The following PLA2G4B variants were observed in gnomAD, a reference collection of about 807,000 sequenced individuals.
The protein encoded by PLA2G4B is cytosolic phospholipase A2 beta.
PLA2G4B carries 122 observed loss-of-function variants against 95.8 expected under a neutral mutation model. The ratio of observed to expected loss-of-function variants is 1.27; its 90% CI spans 1.10 to 1.48. The LOEUF (loss-of-function observed/expected upper bound fraction) is 1.48. PLA2G4B is among the 40% of genes most tolerant of loss of function. PLA2G4B has a pLI of 0.00. For missense variants in PLA2G4B, 1,158 were observed against 996.2 expected (o/e 1.16, Z -2.19); for synonymous variants, 518 against 421.5 (o/e 1.23, Z -2.80).
intron 1 of PLA2G4B, chr15:41,839,796 A>T (rs569017807): frequency 4.0e-4 from 98 of 245,480 alleles, no homozygotes; most frequent in African/African-American, 2.1e-3. Context: ...ATCTGGAGCC[A>T]GCCTGCCCGG....
chr15:41,842,782 G>C, intron 10 of PLA2G4B, 191 bp downstream of exon 10: 1 of 860,592 alleles, frequency 1.2e-6, no homozygotes, highest in Non-Finnish European at 1.7e-6. Flanking sequence ...AGCACCTATG[G>C]TCAGAGGGGC....
intron 2 of PLA2G4B, 84 bp from the exon 3 acceptor site, chr15:41,840,440 G>A: frequency 6.2e-7 from 1 of 1,606,874 alleles, no homozygotes; most frequent in African/African-American, 1.3e-5. Flanking sequence ...TAACCCACAT[G>A]GGGCTCTAGG....
At chr15:41,842,457 G>A in intron 9 of PLA2G4B, 97 bp from the exon 10 acceptor site, 1 of 1,537,934 alleles carries the variant, frequency 6.5e-7, no homozygotes, top group South Asian at 1.2e-5. Context: ...TGGAGACGGT[G>A]GCGGGGCGGG....
Position 41,845,263 on chromosome 15 carries a change from C to T in PLA2G4B, c.1300C>T (p.Pro434Ser). Reference sequence around the variant, plus strand: ...CCTGAGTCATGGCCAGAACCCTCTGCCCATCTACTGTGCCCTCAACACCAA... The same window carrying T: ...CCTGAGTCATGGCCAGAACCCTCTGTCCATCTACTGTGCCCTCAACACCAA... ...EALSHGQNPLPIYCALNTKGQ... is the reference protein window; with the variant it reads ...EALSHGQNPLSIYCALNTKGQ... The change falls in exon 14 of 20, where the codon CCC (proline) becomes TCC (serine). Residue 434 changes from proline (P) to serine (S), a missense_variant. Pro to Ser is a moderately conservative substitution (Grantham distance 74, BLOSUM62 -1). Coordinates refer to ENST00000458483, the MANE Select transcript of PLA2G4B (RefSeq NM_001114633.2). The T allele has an allele frequency of 1.2e-6, 2 of 1,614,202 alleles. No individual in the cohort carries two copies. Among genetic ancestry groups the T allele is most frequent in the South Asian group, 1.1e-5 (1 of 91,080 alleles).
rs572589926 is a variant in PLA2G4B at position 41,844,429 on chromosome 15, C to T, written c.880-42C>T. 4 of 1,612,788 alleles carry T rather than the reference C, an allele frequency of 2.5e-6. No homozygotes were observed. The African/African-American group carries it at 4.0e-5, about 16-fold the overall frequency. On this transcript the variant is annotated intron_variant, in intron 11 of 19. Transcript: ENST00000458483. ...CTTCTTCCTGTGACTTGGCCTTCCC[C>T]ATCCCTAGGGCCTCTACAGGCCTGG...
Position 41,842,598 on chromosome 15 carries a change from G to A in PLA2G4B, c.743+7G>A, listed in dbSNP as rs538871106. 1.2e-6 allele frequency: 2 copies of A among 1,608,800 alleles called. No individual in the cohort carries two copies. Among genetic ancestry groups the A allele is most frequent in the Non-Finnish European group, 1.7e-6 (2 of 1,178,702 alleles). ...AGCTGAAAAAAGAAGCAGGGTGAGA[G>A]GCCTGGCTGGGGACTGGGCAAGGCC... On this transcript the variant is annotated splice_region_variant and intron_variant, in intron 10 of 19. Coordinates refer to ENST00000458483, the MANE Select transcript of PLA2G4B (RefSeq NM_001114633.2).
Position 41,847,811 on chromosome 15 carries a change from A to AGGCTCTGCGCC in PLA2G4B, c.2298_2308dup (p.Gln770ArgfsTer25). On this transcript the variant is annotated frameshift_variant, in exon 20 of 20. Coordinates refer to ENST00000458483, the MANE Select transcript of PLA2G4B (RefSeq NM_001114633.2). LOFTEE classifies it low-confidence loss of function (END_TRUNC). Reference sequence around the variant, plus strand: ...TGCAACAACCAGGAGCAGCTGCTGGAGGCTCTGCGCCAGGCAGTGCAGCGG... The same window carrying AGGCTCTGCGCC: ...TGCAACAACCAGGAGCAGCTGCTGGAGGCTCTGCGCCGGCTCTGCGCCAGGCAGTGCAGCGG... 1 of 1,608,464 alleles carries AGGCTCTGCGCC rather than the reference A, an allele frequency of 6.2e-7. No homozygotes were observed.
At chr15:41,844,348 C>G in intron 11 of PLA2G4B, 123 bp from the exon 12 acceptor site, 3 of 1,501,984 alleles carry the variant, frequency 2.0e-6, no homozygotes, top group Non-Finnish European at 1.8e-6. Context: ...GAACTGGTCC[C>G]AAGACCTGTG....
chr15:41,845,523 A>G (rs1044088087), intron 14 of PLA2G4B, 115 bp from the exon 15 acceptor site: 2 of 1,515,382 alleles, frequency 1.3e-6, no homozygotes, highest in African/African-American at 1.4e-5. Flanking sequence ...AGCCCAGGCC[A>G]CAAGGCCTGG....
At position 41,847,994 on chromosome 15, in the gene PLA2G4B, G is replaced by A; in HGVS notation, c.*134G>A. ...GTCCCAGGGTCCAGGCTGAGGGCTG[G>A]GAGCTCCCTTGCGCCTCAGCAGTTT... On this transcript the variant is annotated 3_prime_UTR_variant, in exon 20 of 20. Transcript: ENST00000458483. The A allele has an allele frequency of 7.9e-7, 1 of 1,265,020 alleles. No individual in the cohort carries two copies. The highest frequency in any genetic ancestry group is 1.5e-5 in the African/African-American group (1 of 66,932). The allele number at this position is 1,265,020 out of a possible 1,614,324, so 78.4% of individuals were successfully genotyped here.
At chr15:41,840,474 C>A in intron 2 of PLA2G4B, 50 bp from the exon 3 acceptor site, 2 of 1,611,384 alleles carry the variant, frequency 1.2e-6, no homozygotes, top group Non-Finnish European at 1.7e-6. Context: ...TGGGTCTGGG[C>A]GGCTGGGAAG....
chr15:41,845,907 G>C, intron 15 of PLA2G4B, 36 bp from the exon 16 acceptor site: 1 of 1,515,508 alleles, frequency 6.6e-7, no homozygotes, highest in South Asian at 1.3e-5. Flanking sequence ...TGGGACAAGA[G>C]TCGGGGGCCC....
rs1316271401 is a variant in PLA2G4B, at chr15:41,846,061, G to A, written c.1600+14G>A. ...AGGCCAACCTGGGTAAGTGCTCCGG[G>A]CCCTTCATAAGGGTGCCAAGGGGCA... On this transcript the variant is annotated intron_variant, in intron 16 of 19. Transcript: ENST00000458483. 6.4e-7 allele frequency: 1 copy of A among 1,569,754 alleles called. No homozygotes were observed. The highest frequency in any genetic ancestry group is 2.3e-5 in the East Asian group (1 of 44,420).
chr15:41,844,455 C>G lies in PLA2G4B; in HGVS notation c.880-16C>G. ...ATCCCTAGGGCCTCTACAGGCCTGGCTCTCTTCTTTTCCAGATCCCAGTGG... is the reference window on the plus strand; with the variant it reads ...ATCCCTAGGGCCTCTACAGGCCTGGGTCTCTTCTTTTCCAGATCCCAGTGG... On this transcript the variant is annotated splice_polypyrimidine_tract_variant and intron_variant, in intron 11 of 19. Transcript: ENST00000458483. 5.6e-6 allele frequency: 9 copies of G among 1,613,988 alleles called. No homozygotes were observed. The highest frequency in any genetic ancestry group is 7.6e-6 in the Non-Finnish European group (9 of 1,180,018).
chr15:41,845,127 G>A, intron 13 of PLA2G4B, 57 bp downstream of exon 13: 1 of 1,608,152 alleles, frequency 6.2e-7, no homozygotes, highest in Non-Finnish European at 8.5e-7. Flanking sequence ...CTGGGGCTCG[G>A]TGCTGGACAG....
intron 1 of PLA2G4B, 156 bp from the exon 2 acceptor site, chr15:41,840,002 C>G (rs2077543): frequency 0.53 from 437,018 of 823,636 alleles, 117,462 homozygotes; most frequent in South Asian, 0.57. Flanking sequence ...ATGGAGATAT[C>G]ATGTCTCCTC....
chr15:41,842,533 T>C (rs1227157935), intron 9 of PLA2G4B, 21 bp from the exon 10 acceptor site: 1 of 1,611,328 alleles, frequency 6.2e-7, no homozygotes, highest in Non-Finnish European at 8.5e-7. Context: ...CTTTTGTGAC[T>C]GGGGCCTTCA....
rs1464075501 is a variant in PLA2G4B, at chr15:41,841,931, G to A, written c.603G>A (p.Glu201=). The A allele has an allele frequency of 1.9e-6, 3 of 1,612,726 alleles. No individual in the cohort carries two copies. The highest frequency in any genetic ancestry group is 2.5e-6 in the Non-Finnish European group (3 of 1,179,878). Reference sequence around the variant, plus strand: ...ACTGCCCAGCCTGCTGGGAGCAGGAGCTGAGTATTCGCCTGCAGGTAGTGT... The same window carrying A: ...ACTGCCCAGCCTGCTGGGAGCAGGAACTGAGTATTCGCCTGCAGGTAGTGT... ...RFHCPACWEQ[E]LSIRLQDAPE... The change falls in exon 8 of 20, where the codon GAG becomes GAA. Residue 201 remains glutamate, a synonymous_variant. Coordinates refer to ENST00000458483, the MANE Select transcript of PLA2G4B (RefSeq NM_001114633.2).
chr15:41,844,810 A>C (rs2065502824), intron 12 of PLA2G4B, 38 bp from the exon 13 acceptor site: 1 of 1,569,542 alleles, frequency 6.4e-7, no homozygotes, highest in African/African-American at 1.3e-5. Context: ...GGGGTCCTTC[A>C]GTGACAGCCC....
Sources: allele counts gnomAD v4.1 joint callset, GRCh38; gene constraint gnomAD v4.1.1; transcripts MANE v1.5; gene names NCBI Gene and HGNC (gene_info 2026-07-23, HGNC 2026-07-21).